Variants in OPCML observed in about 807,000 individuals in gnomAD.
The protein encoded by OPCML is opioid-binding protein/cell adhesion molecule.
In OPCML, 13 loss-of-function variants were observed where a neutral mutation model predicts 37.8. That is an observed-to-expected ratio of 0.34 (90% CI 0.22 to 0.55). The LOEUF (loss-of-function observed/expected upper bound fraction) is 0.55. Ranked by LOEUF, OPCML falls within the 20% of genes least tolerant of loss-of-function variation. The pLI is 0.91. For synonymous variants in OPCML, 176 were observed against 168.8 expected (o/e 1.04, Z -0.33); for missense variants, 341 against 435.6 (o/e 0.78, Z 1.93).
chr11:132,760,534 T>C (rs1397568292), intron 2 of OPCML, among the ~76,000 whole-genome samples: 1 of 152,084 alleles, frequency 6.6e-6, no homozygotes, highest in African/African-American at 2.4e-5. Context: ...GTTGCATTGA[T>C]TCCTTTACCA....
chr11:132,817,385 C>A (rs1939693411), intron 2 of OPCML, among the ~76,000 whole-genome samples: 5 of 152,018 alleles, frequency 3.3e-5, no homozygotes, highest in Admixed American at 2.0e-4. Flanking sequence ...AATAAATTTT[C>A]TTTGTATCTC....
rs538807060 is a variant in OPCML at position 132,845,339 on chromosome 11, C to T, written c.146+97587G>A. 8.1e-4 allele frequency among the ~76,000 whole-genome samples: 123 copies of T among 152,222 alleles called. 1 individual carries two copies. The highest frequency in any genetic ancestry group is 4.9e-4 in the Non-Finnish European group (33 of 68,012). ...GTTATTTACAGATGATGATGGCAAA[C>T]GCCTTTGAACAACAGCTTAAGAAAA... On this transcript the variant is annotated intron_variant, in intron 2 of 7. Coordinates refer to ENST00000524381, the MANE Select transcript of OPCML (RefSeq NM_001012393.5).
rs1947785217 is a variant in OPCML, at chr11:133,036,415, T to A, written c.62-93405A>T. On this transcript the variant is annotated intron_variant, in intron 1 of 7. Transcript: ENST00000524381. ...GAAATGTTAAATTTTATTGTTAGCA[T>A]TTGTTTACATGCCCACATGCTATAA... 2.0e-5 allele frequency among the ~76,000 whole-genome samples: 3 copies of A among 152,266 alleles called. No individual in the cohort carries two copies. In the South Asian group the frequency reaches 6.2e-4, roughly 31 times the overall value.
chr11:133,290,423 C>T (rs1181124612), intron 1 of OPCML, among the ~76,000 whole-genome samples: 2 of 152,118 alleles, frequency 1.3e-5, no homozygotes, highest in African/African-American at 4.8e-5. Context: ...ATCAAAACTC[C>T]AAGAGGTAAT....
At chr11:133,031,174 A>G (rs1404139533) in intron 1 of OPCML, among the ~76,000 whole-genome samples, 1 of 152,170 alleles carries the variant, frequency 6.6e-6, no homozygotes, top group African/African-American at 2.4e-5. Context: ...TAGATGGATA[A>G]ATGGGTGCAT....
intron 1 of OPCML, among the ~76,000 whole-genome samples, chr11:133,413,674 T>C (rs80196026): frequency 6.6e-6 from 1 of 152,160 alleles, no homozygotes; most frequent in African/African-American, 2.4e-5. Context: ...AGCCTGCATG[T>C]CTTTCCCTCT....
At chr11:132,507,250 C>T (rs2509231) in intron 4 of OPCML, among the ~76,000 whole-genome samples, 78,429 of 151,730 alleles carry the variant, frequency 0.52, 20,968 homozygotes, top group East Asian at 0.8. Flanking sequence ...TATTAAAATC[C>T]GGTATTACTC....
At chr11:132,682,780 A>G (rs1489361584) in intron 2 of OPCML, among the ~76,000 whole-genome samples, 2 of 152,206 alleles carry the variant, frequency 1.3e-5, no homozygotes, top group East Asian at 3.9e-4. Context: ...CTCCCGTTAC[A>G]TAGATACTAA....
At chr11:133,459,579 C>T (rs1482955900) in intron 1 of OPCML, among the ~76,000 whole-genome samples, 4 of 151,952 alleles carry the variant, frequency 2.6e-5, no homozygotes, top group African/African-American at 9.7e-5. Flanking sequence ...AGAGCAAAAA[C>T]GGCCAACTAA....
intron 2 of OPCML, among the ~76,000 whole-genome samples, chr11:132,890,774 G>A (rs764515350): frequency 1.2e-4 from 18 of 148,816 alleles, no homozygotes; most frequent in South Asian, 2.1e-4. Context: ...GAAGAATGGC[G>A]TGACCCCGGG....
rs545492298 is a variant in OPCML, at chr11:132,429,785, C to T, written c.916+6301G>A. ...TTAAATGATTCTGGGGCAAGGCTCACATATCTGCATTTTTAAAGCATCCGG... is the reference window on the plus strand; with the variant it reads ...TTAAATGATTCTGGGGCAAGGCTCATATATCTGCATTTTTAAAGCATCCGG... On this transcript the variant is annotated intron_variant, in intron 7 of 7. Transcript: ENST00000524381. 2.6e-5 allele frequency among the ~76,000 whole-genome samples: 4 copies of T among 152,298 alleles called. No homozygotes were observed. The East Asian group carries it at 5.8e-4, about 22-fold the overall frequency.
chr11:133,049,405 G>A (rs1387853448), intron 1 of OPCML, among the ~76,000 whole-genome samples: 1 of 152,066 alleles, frequency 6.6e-6, no homozygotes, highest in African/African-American at 2.4e-5. Context: ...ACTTGGAATT[G>A]GAAGATCTGA....
chr11:132,866,457 C>T (rs868610187), intron 2 of OPCML, among the ~76,000 whole-genome samples: 9 of 152,004 alleles, frequency 5.9e-5, no homozygotes, highest in Admixed American at 3.3e-4. Flanking sequence ...AGAAAACAAT[C>T]CCAATTGGTC....
At chr11:132,703,941 G>C (rs61906442) in intron 2 of OPCML, among the ~76,000 whole-genome samples, 281 of 152,272 alleles carry the variant, frequency 1.8e-3, no homozygotes, top group Non-Finnish European at 3.3e-3. Flanking sequence ...TTGGTACTGG[G>C]GTCCACGGAA....
chr11:133,222,646 C>T (rs544481742), intron 1 of OPCML, among the ~76,000 whole-genome samples: 1 of 152,388 alleles, frequency 6.6e-6, no homozygotes, highest in South Asian at 2.1e-4. Context: ...GCCCGTCCAG[C>T]TCTGTCTGGC....
At chr11:132,437,189 TC>T (rs767163271) in intron 5 of OPCML, 32 bp downstream of exon 5, 1 of 1,605,292 alleles carries the variant, frequency 6.2e-7, no homozygotes, top group South Asian at 1.1e-5. Flanking sequence ...TGCCGTCTTT[TC>T]CCCAGAACCC....
chr11:132,733,551 G>C (rs2917575), intron 2 of OPCML, among the ~76,000 whole-genome samples: 104,004 of 151,934 alleles, frequency 0.68, 36,298 homozygotes, highest in African/African-American at 0.8. Context: ...GGAAAGAGAT[G>C]TGGTCAAAGA....
chr11:132,448,277 G>T (rs1252062663), intron 4 of OPCML, among the ~76,000 whole-genome samples: 2 of 152,104 alleles, frequency 1.3e-5, no homozygotes, highest in African/African-American at 4.8e-5. Context: ...TGGCATCACA[G>T]CCGTTTAACA....
chr11:132,556,272 C>G (rs1278404529), intron 3 of OPCML, among the ~76,000 whole-genome samples: 1 of 152,044 alleles, frequency 6.6e-6, no homozygotes, highest in Non-Finnish European at 1.5e-5. Flanking sequence ...AGTAAGGGAA[C>G]CAGAACATAT....
Sources: gnomAD v4.1 joint callset for allele counts (sites outside exome capture counted in the v4.1 genomes callset) on GRCh38, gnomAD v4.1.1 for gene constraint, MANE v1.5 for transcripts, NCBI Gene and HGNC (gene_info 2026-07-23, HGNC 2026-07-21) for gene names.